Variants in SNTB1 observed in about 807,000 individuals in gnomAD.
SNTB1 encodes syntrophin beta 1.
SNTB1 carries 36 observed loss-of-function variants against 48.9 expected under a neutral mutation model. The observed-to-expected ratio is 0.74, with a 90% CI of 0.56 to 0.97. SNTB1 has a LOEUF of 0.97. SNTB1 is among the 50% of genes least tolerant of loss of function. The pLI is 0.00. For missense variants in SNTB1, 786 were observed against 703.4 expected (o/e 1.12, Z -1.33); for synonymous variants, 299 against 294.6 (o/e 1.01, Z -0.15).
intron 3 of SNTB1, among the ~76,000 whole-genome samples, chr8:120,578,190 C>T (rs952336001): frequency 1.4e-5 from 2 of 145,194 alleles, no homozygotes; most frequent in African/African-American, 5.0e-5. Flanking sequence ...CCCGCCATCA[C>T]GCCCGGCTAA....
intron 6 of SNTB1, among the ~76,000 whole-genome samples, chr8:120,539,962 A>C (rs1815258037): frequency 6.6e-6 from 1 of 152,234 alleles, no homozygotes; most frequent in African/African-American, 2.4e-5. Flanking sequence ...TAGATCTTAC[A>C]GTAAATAAAA....
At chr8:120,562,710 T>C (rs1213040263) in intron 4 of SNTB1, among the ~76,000 whole-genome samples, 1 of 152,164 alleles carries the variant, frequency 6.6e-6, no homozygotes, top group Non-Finnish European at 1.5e-5. Flanking sequence ...CCAAACTTTC[T>C]AGTGAAAAGA....
chr8:120,755,079 A>G (rs1422952927), intron 1 of SNTB1, among the ~76,000 whole-genome samples: 1 of 152,032 alleles, frequency 6.6e-6, no homozygotes, highest in Admixed American at 6.6e-5. Context: ...TGGCCTTCAC[A>G]CAGTAGTGAC....
At chr8:120,554,438 G>C (rs1162860665) in intron 4 of SNTB1, among the ~76,000 whole-genome samples, 1 of 152,156 alleles carries the variant, frequency 6.6e-6, no homozygotes, top group Non-Finnish European at 1.5e-5. Flanking sequence ...AGGACAATGA[G>C]CGCTGACTGA....
chr8:120,781,464 A>G (rs1268620541), intron 1 of SNTB1, among the ~76,000 whole-genome samples: 1 of 152,218 alleles, frequency 6.6e-6, no homozygotes, highest in Non-Finnish European at 1.5e-5. Flanking sequence ...ATTACTACAT[A>G]TTCACTTACT....
At chr8:120,753,368 A>T (rs568503540) in intron 1 of SNTB1, among the ~76,000 whole-genome samples, 17 of 152,070 alleles carry the variant, frequency 1.1e-4, no homozygotes, top group Admixed American at 2.0e-4. Context: ...TCCAATGCCC[A>T]CTCCACCTCC....
intron 2 of SNTB1, among the ~76,000 whole-genome samples, chr8:120,652,939 C>T (rs138066927): frequency 2.7e-3 from 414 of 152,240 alleles, no homozygotes; most frequent in Middle Eastern, 6.8e-3. Context: ...CATATTGAAA[C>T]AGAAAATCCC....
At chr8:120,699,685 A>G (rs1455420700) in intron 1 of SNTB1, among the ~76,000 whole-genome samples, 1 of 152,144 alleles carries the variant, frequency 6.6e-6, no homozygotes, top group Non-Finnish European at 1.5e-5. Flanking sequence ...ATTAACACAC[A>G]ACCCATTGGC....
intron 3 of SNTB1, among the ~76,000 whole-genome samples, chr8:120,578,818 G>A (rs1376876636): frequency 6.6e-6 from 1 of 152,160 alleles, no homozygotes; most frequent in African/African-American, 2.4e-5. Context: ...TGGGTCAGTG[G>A]CTTCCAAACT....
intron 3 of SNTB1, among the ~76,000 whole-genome samples, chr8:120,595,556 G>A (rs960085830): frequency 2.6e-5 from 4 of 151,926 alleles, no homozygotes; most frequent in Non-Finnish European, 4.4e-5. Flanking sequence ...TGCTCTGTCT[G>A]TGAAGTGGTC....
chr8:120,769,176 C>T (rs1819577549), intron 1 of SNTB1: 1 of 152,144 alleles, frequency 6.6e-6, no homozygotes, highest in Admixed American at 6.6e-5. Flanking sequence ...GAACAAGCCC[C>T]CATTTCAGCT....
intron 3 of SNTB1, among the ~76,000 whole-genome samples, chr8:120,585,819 G>T (rs1374386970): frequency 1.3e-5 from 2 of 152,176 alleles, no homozygotes; most frequent in Non-Finnish European, 2.9e-5. Flanking sequence ...AATATGCTGT[G>T]CAGTTTAAAA....
intron 1 of SNTB1, among the ~76,000 whole-genome samples, chr8:120,775,886 T>TTTA (rs1446085340): frequency 8.6e-5 from 13 of 152,000 alleles, no homozygotes; most frequent in Non-Finnish European, 1.9e-4. Flanking sequence ...CGGTTCTTTT[T>TTTA]TTATTATTAT....
At chr8:120,701,247 T>A (rs1214184068) in intron 1 of SNTB1, among the ~76,000 whole-genome samples, 1 of 152,196 alleles carries the variant, frequency 6.6e-6, no homozygotes, top group Non-Finnish European at 1.5e-5. Flanking sequence ...AGCTAATGTC[T>A]CGAGAGGCTG....
chr8:120,553,255 C>T (rs1815512444), intron 4 of SNTB1, among the ~76,000 whole-genome samples: 1 of 152,146 alleles, frequency 6.6e-6, no homozygotes, highest in Non-Finnish European at 1.5e-5. Flanking sequence ...TTTCAACTAA[C>T]CAAGTGTAAA....
chr8:120,631,500 T>G (rs1816978681), intron 3 of SNTB1, among the ~76,000 whole-genome samples: 2 of 152,182 alleles, frequency 1.3e-5, no homozygotes, highest in African/African-American at 4.8e-5. Flanking sequence ...ATGACAGGGT[T>G]CTTTGGCAGG....
chr8:120,591,904 TAAA>T (rs898132934), intron 3 of SNTB1, among the ~76,000 whole-genome samples: 16 of 152,320 alleles, frequency 1.1e-4, no homozygotes, highest in Middle Eastern at 6.8e-3. Context: ...ACAGCTCAGT[TAAA>T]GATGATGATG....
At chr8:120,671,040 C>A (rs1817749041) in intron 2 of SNTB1, among the ~76,000 whole-genome samples, 1 of 152,210 alleles carries the variant, frequency 6.6e-6, no homozygotes. Context: ...TTCAAAAGAG[C>A]ATTTCTCATA....
At chr8:120,636,703 A>G (rs1817085403) in intron 2 of SNTB1, among the ~76,000 whole-genome samples, 1 of 151,652 alleles carries the variant, frequency 6.6e-6, no homozygotes, top group Admixed American at 6.6e-5. Context: ...CAATAAACAT[A>G]CGTGTGCATG....
Sources: gnomAD v4.1 joint callset for allele counts (sites outside exome capture counted in the v4.1 genomes callset) on GRCh38, gnomAD v4.1.1 for gene constraint, MANE v1.5 for transcripts, NCBI Gene and HGNC (gene_info 2026-07-23, HGNC 2026-07-21) for gene names.